The following NAALADL2 variants were observed in gnomAD, a reference collection of about 807,000 sequenced individuals.
NAALADL2 encodes inactive N-acetylated-alpha-linked acidic dipeptidase-like protein 2.
NAALADL2 carries 76 observed loss-of-function variants against 87.2 expected under a neutral mutation model. The ratio of observed to expected loss-of-function variants is 0.87; its 90% CI spans 0.72 to 1.05. NAALADL2 has a LOEUF of 1.05. NAALADL2 is among the 50% of genes least tolerant of loss of function. The pLI, the probability that NAALADL2 is intolerant of heterozygous loss-of-function variation, is 0.00. For missense variants in NAALADL2, 1,089 were observed against 945.8 expected (o/e 1.15, Z -1.99); for synonymous variants, 354 against 331.0 (o/e 1.07, Z -0.75).
In NAALADL2 at chr3:175,804,931, ATTTT is replaced by A. The variant is rs1163010412; in HGVS notation, c.*1732_*1735del. On this transcript the variant is annotated 3_prime_UTR_variant, in exon 14 of 14. Transcript: ENST00000454872. ...AAAAATGAAACTACCTTACAATATT[ATTTT>A]TTTAACCAATGTATTTGTTTGCAAA... is the stretch of plus-strand genomic sequence containing the variant. 6.6e-6 allele frequency: 1 copy of A among 151,992 alleles called. No homozygotes were observed. The highest frequency in any genetic ancestry group is 1.9e-4 in the East Asian group (1 of 5,176). 9.4% of individuals were successfully genotyped at this position (151,992 alleles called of 1,614,324 possible).
chr3:175,658,664 G>C (rs1056743865), intron 11 of NAALADL2, among the ~76,000 whole-genome samples: 1 of 152,078 alleles, frequency 6.6e-6, no homozygotes, highest in Admixed American at 6.6e-5. Flanking sequence ...GATATGTATT[G>C]TTCCTCAAAT....
rs114441400 is a variant in NAALADL2, at chr3:174,923,075, G to A, written c.43+63625G>A. Reference sequence around the variant, plus strand: ...AAAGGAACAAGGCAAGGACTCCTTGGGAAAGTGGTTGATTCCAGAAGGGAC... The same window carrying A: ...AAAGGAACAAGGCAAGGACTCCTTGAGAAAGTGGTTGATTCCAGAAGGGAC... On this transcript the variant is annotated intron_variant, in intron 1 of 13. Transcript: ENST00000454872. 3.0e-3 allele frequency among the ~76,000 whole-genome samples: 457 copies of A among 152,222 alleles called. 1 individual carries two copies. Among genetic ancestry groups the A allele is most frequent in the African/African-American group, 0.011 (443 of 41,532 alleles).
chr3:175,619,902 C>G (rs1403140792), intron 10 of NAALADL2, among the ~76,000 whole-genome samples: 3 of 151,886 alleles, frequency 2.0e-5, no homozygotes, highest in Non-Finnish European at 4.4e-5. Flanking sequence ...ATGGCTAGAC[C>G]TCTATGAAGC....
At chr3:174,561,870 A>G (rs1015305877) in intron 2 of NAALADL2, among the ~76,000 whole-genome samples, 10 of 152,198 alleles carry the variant, frequency 6.6e-5, no homozygotes, top group African/African-American at 1.2e-4. Context: ...TTTCTCTTTA[A>G]TAAGTTGGAC....
At chr3:174,877,654 A>C (rs1728673851) in intron 1 of NAALADL2, among the ~76,000 whole-genome samples, 1 of 152,106 alleles carries the variant, frequency 6.6e-6, no homozygotes, top group African/African-American at 2.4e-5. Flanking sequence ...ATAACTGTTA[A>C]GTGTCTATAG....
intron 1 of NAALADL2, among the ~76,000 whole-genome samples, chr3:175,052,076 T>C (rs909425272): frequency 1.3e-5 from 2 of 152,224 alleles, no homozygotes; most frequent in Non-Finnish European, 2.9e-5. Flanking sequence ...AAGCCAGTGA[T>C]AAGCATTGTT....
intron 3 of NAALADL2, among the ~76,000 whole-genome samples, chr3:174,765,922 A>G (rs1478886518): frequency 6.6e-6 from 1 of 152,174 alleles, no homozygotes; most frequent in Non-Finnish European, 1.5e-5. Context: ...TCTATGAGTA[A>G]TTGACTGTTG....
chr3:174,809,415 C>A (rs1719897106), intron 3 of NAALADL2, among the ~76,000 whole-genome samples: 1 of 152,142 alleles, frequency 6.6e-6, no homozygotes, highest in Non-Finnish European at 1.5e-5. Context: ...GAATCTAGGG[C>A]ACTATGTTCC....
At position 175,597,042 on chromosome 3, in the gene NAALADL2, T is replaced by C. The variant is rs977528644; in HGVS notation, c.1800+20855T>C. Among the ~76,000 whole-genome samples the C allele has an allele frequency of 3.3e-5, 5 of 152,146 alleles. No individual in the cohort carries two copies. The South Asian group carries it at 1.0e-3, about 31-fold the overall frequency. ...GTTTAGGGTTTTGACAGTTTGAGAT[T>C]GTATCCTCTTTAGAGAGAATGCATA... On this transcript the variant is annotated intron_variant, in intron 10 of 13. Transcript: ENST00000454872.
intron 11 of NAALADL2, among the ~76,000 whole-genome samples, chr3:175,696,555 G>A (rs1737822920): frequency 6.6e-6 from 1 of 151,894 alleles, no homozygotes; most frequent in Non-Finnish European, 1.5e-5. Flanking sequence ...TTTATTGTAG[G>A]ATATACAGAT....
upstream of NAALADL2, among the ~76,000 whole-genome samples, chr3:174,857,039 T>A (rs1274427426): frequency 6.6e-6 from 1 of 152,130 alleles, no homozygotes; most frequent in South Asian, 2.1e-4. Flanking sequence ...TATAATATAA[T>A]GTGACAAGAG....
chr3:175,065,446 A>G (rs1004297986), intron 1 of NAALADL2, among the ~76,000 whole-genome samples: 3 of 152,196 alleles, frequency 2.0e-5, no homozygotes, highest in Non-Finnish European at 4.4e-5. Context: ...ATAGTCTTTA[A>G]ATTTTTAGAT....
intron 11 of NAALADL2, among the ~76,000 whole-genome samples, chr3:175,641,398 C>A (rs1201464734): frequency 6.6e-6 from 1 of 152,050 alleles, no homozygotes; most frequent in Non-Finnish European, 1.5e-5. Flanking sequence ...ATGTTTATGT[C>A]TTGCTTCCAC....
At chr3:175,515,662 T>C (rs1380272964) in intron 9 of NAALADL2, among the ~76,000 whole-genome samples, 5 of 152,024 alleles carry the variant, frequency 3.3e-5, no homozygotes, top group Non-Finnish European at 5.9e-5. Flanking sequence ...CAATGAAAGT[T>C]GGGCATCAGA....
intron 11 of NAALADL2, among the ~76,000 whole-genome samples, chr3:175,681,711 C>T (rs1471475766): frequency 1.3e-5 from 2 of 152,054 alleles, no homozygotes; most frequent in African/African-American, 4.8e-5. Flanking sequence ...AAGAGTAATA[C>T]CAATACAGGC....
At chr3:174,596,080 TAAC>T (rs1717872327) in intron 2 of NAALADL2, among the ~76,000 whole-genome samples, 1 of 151,990 alleles carries the variant, frequency 6.6e-6, no homozygotes, top group Non-Finnish European at 1.5e-5. Context: ...ACAATATTAA[TAAC>T]AAAACTGCCA....
At chr3:175,129,217 T>C (rs1289524730) in intron 2 of NAALADL2, among the ~76,000 whole-genome samples, 1 of 152,082 alleles carries the variant, frequency 6.6e-6, no homozygotes, top group East Asian at 1.9e-4. Flanking sequence ...ATTGCTGAGA[T>C]CACAGGCATG....
rs200014521 is a variant in NAALADL2, at chr3:174,824,790, TG to T, written c.-9+87046del. On this transcript the variant is annotated intron_variant, in intron 3 of 3. Transcript: ENST00000434257. The stretch of plus-strand genomic sequence containing the variant: ...TGCTTCGGTCACTTATGGGACAAAA[TG>T]GCCATACTGTTCCTACGAACAGATA... Among the ~76,000 whole-genome samples, 1,329 of 152,262 alleles carry T rather than the reference TG, an allele frequency of 8.7e-3. 7 individuals are homozygous for T. The highest frequency in any genetic ancestry group is 0.029 in the South Asian group (138 of 4,826).
intron 5 of NAALADL2, among the ~76,000 whole-genome samples, chr3:175,379,237 A>G (rs1487862589): frequency 1.4e-5 from 2 of 146,472 alleles, no homozygotes; most frequent in African/African-American, 5.1e-5. Context: ...CATTATTTTC[A>G]GTTAGCTCAT....
Sources: allele counts gnomAD v4.1 joint callset (sites outside exome capture counted in the v4.1 genomes callset), GRCh38; gene constraint gnomAD v4.1.1; transcripts MANE v1.5; gene names NCBI Gene and HGNC (gene_info 2026-07-23, HGNC 2026-07-21).